Variants in KAZN observed in about 807,000 individuals in gnomAD.
The protein encoded by KAZN is kazrin.
A neutral mutation model predicts 87.4 loss-of-function variants in KAZN; 40 were observed. The ratio of observed to expected loss-of-function variants is 0.46; its 90% CI spans 0.36 to 0.60. KAZN has a LOEUF of 0.60. Among genes scored for constraint, KAZN ranks in the 20% least tolerant of loss-of-function variants. The pLI, the probability that KAZN is intolerant of heterozygous loss-of-function variation, is 0.00. For synonymous variants in KAZN, 466 were observed against 458.3 expected (o/e 1.02, Z -0.22); for missense variants, 898 against 1,073.9 (o/e 0.84, Z 2.29).
chr1:13,908,133 A>G (rs1639515767), intron 1 of KAZN, among the ~76,000 whole-genome samples: 1 of 152,222 alleles, frequency 6.6e-6, no homozygotes, highest in Non-Finnish European at 1.5e-5. Flanking sequence ...TTGAAACAGA[A>G]TTCCTGGACT....
chr1:14,526,212 G>A (rs760342487), intron 2 of KAZN, among the ~76,000 whole-genome samples: 23 of 152,148 alleles, frequency 1.5e-4, no homozygotes, highest in Non-Finnish European at 2.8e-4. Context: ...AAGTAGGTAC[G>A]ATTGACTCTT....
At chr1:14,523,145 A>C (rs1002489343) in intron 2 of KAZN, among the ~76,000 whole-genome samples, 1 of 152,046 alleles carries the variant, frequency 6.6e-6, no homozygotes, top group East Asian at 1.9e-4. Context: ...TGAGGCTGGG[A>C]GGCACCTCAC....
intron 1 of KAZN, among the ~76,000 whole-genome samples, chr1:13,906,960 C>T (rs1487383371): frequency 6.6e-6 from 1 of 152,192 alleles, no homozygotes; most frequent in Non-Finnish European, 1.5e-5. Flanking sequence ...AGGCTTCCCG[C>T]CTGTGCAAAG....
chr1:13,912,725 T>C (rs1251536329), intron 1 of KAZN, among the ~76,000 whole-genome samples: 1 of 152,072 alleles, frequency 6.6e-6, no homozygotes, highest in African/African-American at 2.4e-5. Context: ...CACCTCAGCC[T>C]CCCCAGTAGC....
chr1:14,560,256 A>C (rs147106411), intron 2 of KAZN, among the ~76,000 whole-genome samples: 2,361 of 152,320 alleles, frequency 0.016, 60 homozygotes, highest in African/African-American at 0.054. Context: ...TGACAGGATC[A>C]GATTGTAAGG....
chr1:15,108,099 C>T (rs994694383), intron 13 of KAZN, among the ~76,000 whole-genome samples: 2 of 152,220 alleles, frequency 1.3e-5, no homozygotes, highest in Middle Eastern at 3.2e-3. Flanking sequence ...AATTCCATTA[C>T]AAACTCAAAT....
At chr1:14,399,186 T>C (rs1230238170) in intron 2 of KAZN, among the ~76,000 whole-genome samples, 1 of 151,926 alleles carries the variant, frequency 6.6e-6, no homozygotes. Context: ...TATTTATATT[T>C]ATTTATTTTT....
At chr1:15,079,291 C>T (rs2100622734) in intron 8 of KAZN, among the ~76,000 whole-genome samples, 1 of 152,214 alleles carries the variant, frequency 6.6e-6, no homozygotes, top group African/African-American at 2.4e-5. Context: ...GAACTGCTTG[C>T]CAGGGAGGGG....
intron 1 of KAZN, among the ~76,000 whole-genome samples, chr1:14,727,147 ATTTTCCCCGAAAAAGTG>A (rs919184249): frequency 5.2e-4 from 79 of 152,144 alleles, no homozygotes; most frequent in Admixed American, 4.6e-4. Flanking sequence ...AGAATATTGA[ATTTTCCCCGAAAAAGTG>A]TTTTTCTCTC....
intron 2 of KAZN, among the ~76,000 whole-genome samples, chr1:14,413,869 A>G (rs1190152034): frequency 1.3e-5 from 2 of 152,236 alleles, no homozygotes; most frequent in Non-Finnish European, 2.9e-5. Context: ...ACTCAATAAA[A>G]TGGAAGGTAA....
Position 13,935,716 on chromosome 1 carries a change from C to T in KAZN, c.91+41960C>T, listed in dbSNP as rs555148771. 3.9e-5 allele frequency among the ~76,000 whole-genome samples: 6 copies of T among 152,196 alleles called. No individual in the cohort carries two copies. The South Asian group carries it at 6.2e-4, about 16-fold the overall frequency. ...CCGCTATAAATATTACAGTTTACAG[C>T]GTGGGGTAGTAGATGGAACATGAAC... On this transcript the variant is annotated intron_variant, in intron 1 of 16. Transcript: ENST00000636203.
At chr1:14,907,211 C>T (rs995556911) in intron 1 of KAZN, among the ~76,000 whole-genome samples, 2 of 151,694 alleles carry the variant, frequency 1.3e-5, no homozygotes, top group African/African-American at 4.8e-5. Context: ...GCCTGTGCAA[C>T]ATGGTGAAAC....
chr1:14,024,871 G>T (rs973857), intron 1 of KAZN, among the ~76,000 whole-genome samples: 88,699 of 152,044 alleles, frequency 0.58, 27,829 homozygotes, highest in South Asian at 0.8. Flanking sequence ...AATTGCTGGC[G>T]TGGCATTTCT....
chr1:14,344,619 T>A (rs1383690463), intron 2 of KAZN, among the ~76,000 whole-genome samples: 3 of 152,092 alleles, frequency 2.0e-5, no homozygotes, highest in African/African-American at 7.2e-5. Context: ...CAGATTGTGA[T>A]AAATGCTATG....
At chr1:13,928,304 A>G (rs918606121) in intron 1 of KAZN, among the ~76,000 whole-genome samples, 3 of 152,238 alleles carry the variant, frequency 2.0e-5, no homozygotes, top group Non-Finnish European at 2.9e-5. Flanking sequence ...TATGATGATG[A>G]TGATGACAGT....
chr1:14,823,232 G>A (rs1396861150), intron 1 of KAZN, among the ~76,000 whole-genome samples: 1 of 152,126 alleles, frequency 6.6e-6, no homozygotes, highest in Non-Finnish European at 1.5e-5. Context: ...ACAACGAACA[G>A]CTTCAGTCAG....
intron 1 of KAZN, among the ~76,000 whole-genome samples, chr1:14,744,420 T>C (rs1379262158): frequency 6.6e-6 from 1 of 152,168 alleles, no homozygotes; most frequent in African/African-American, 2.4e-5. Flanking sequence ...TTTTGTTTTT[T>C]TGTTTTTTAA....
At chr1:14,960,898 T>C in intron 2 of KAZN, 23 bp downstream of exon 2, 2 of 1,587,084 alleles carry the variant, frequency 1.3e-6, no homozygotes, top group Non-Finnish European at 1.7e-6. Context: ...TCAGCAGCAG[T>C]TCCTTCGCTG....
At chr1:14,397,884 G>C (rs1310554184) in intron 2 of KAZN, among the ~76,000 whole-genome samples, 2 of 144,104 alleles carry the variant, frequency 1.4e-5, no homozygotes, top group African/African-American at 2.5e-5. Flanking sequence ...AAAAAAAAAG[G>C]CAGAAGGAAG....
Sources: gnomAD v4.1 joint callset for allele counts (sites outside exome capture counted in the v4.1 genomes callset) on GRCh38, gnomAD v4.1.1 for gene constraint, MANE v1.5 for transcripts, NCBI Gene and HGNC (gene_info 2026-07-23, HGNC 2026-07-21) for gene names.